Variants in MXRA8 observed in about 807,000 individuals in gnomAD.
MXRA8 encodes the protein matrix remodeling associated 8, also known as matrix remodeling-associated protein 8.
In MXRA8, 44 loss-of-function variants were observed where a neutral mutation model predicts 51.4. The ratio of observed to expected loss-of-function variants is 0.86; its 90% confidence interval spans 0.67 to 1.10. The LOEUF is 1.10. Among genes scored for constraint, MXRA8 ranks in the 50% least tolerant of loss-of-function variants. The pLI is 0.00. For synonymous variants in MXRA8, 369 were observed against 293.5 expected (o/e 1.26, Z -2.63); for missense variants, 765 against 638.9 (o/e 1.20, Z -2.13).
Position 1,354,402 on chromosome 1 carries a change from T to C in MXRA8, c.1057A>G (p.Ile353Val). ...AGGAGGACAGTGACCAGTAGCAGGATGAAGAGCAGCAGCGTGGCCAGCACG... is the reference window on the plus strand; with the variant it reads ...AGGAGGACAGTGACCAGTAGCAGGACGAAGAGCAGCAGCGTGGCCAGCACG... ...GYVLATLLLF[I>V]LLLVTVLLAA... Residue 353 changes from isoleucine (I) to valine (V), a missense_variant, in exon 6 of 10, where the codon ATC (isoleucine) becomes GTC (valine). Coordinates refer to ENST00000309212, the MANE Select transcript of MXRA8 (RefSeq NM_032348.4). 6.2e-7 allele frequency: 1 copy of C among 1,612,154 alleles called. No individual in the cohort carries two copies. Among genetic ancestry groups the C allele is most frequent in the Non-Finnish European group, 8.5e-7 (1 of 1,179,782 alleles).
At chr1:1,363,464 T>G (rs1162098727), upstream of MXRA8, among the ~76,000 whole-genome samples, 1 of 151,778 alleles carries the variant, frequency 6.6e-6, no homozygotes, top group African/African-American at 2.4e-5. Context: ...GACAGAGTTT[T>G]GTTCTTTTGC....
Position 1,352,880 on chromosome 1 carries a change from T to G in MXRA8, c.*724A>C. 2 of 275,492 alleles carry G rather than the reference T, an allele frequency of 7.3e-6. No homozygotes were observed. Among genetic ancestry groups the G allele is most frequent in the Admixed American group, 5.5e-5 (1 of 18,180 alleles). The allele number at this position is 275,492 out of a possible 1,614,324, so 17.1% of individuals were successfully genotyped here. A position where few individuals can be genotyped will look rare whatever the true frequency, so the allele number is the denominator to read the frequency against. On this transcript the variant is annotated 3_prime_UTR_variant, in exon 10 of 10. Coordinates refer to ENST00000309212, the MANE Select transcript of MXRA8 (RefSeq NM_032348.4). The stretch of plus-strand genomic sequence containing the variant: ...CCAGGCAGAGTCCAAGGGAGGGGTG[T>G]CAGGGTCAGAAGTCACAGGGAGCCC...
At chr1:1,355,391 G>T (rs766361725) in intron 3 of MXRA8, 46 bp from the exon 4 acceptor site, 2 of 1,525,948 alleles carry the variant, frequency 1.3e-6, no homozygotes, top group Non-Finnish European at 1.7e-6. Context: ...CGGTGCCCCC[G>T]ACCCCGCGGC....
At chr1:1,356,262 C>T (rs867398091) in intron 2 of MXRA8, among the ~76,000 whole-genome samples, 1 of 22,408 alleles carries the variant, frequency 4.5e-5, no homozygotes, top group Non-Finnish European at 8.3e-5. Context: ...GCAAGTCAGT[C>T]GGGGAGACAT....
In MXRA8 at chr1:1,358,453, C is replaced by T. The variant is rs749026015; in HGVS notation, c.49+3G>A. ...CACCCGCCTCCCAGGGCCCCACACT[C>T]ACTCTGCAGAAGCACAAGTTTCCAA... On this transcript the variant is annotated splice_donor_region_variant and intron_variant, in intron 1 of 9. Coordinates refer to ENST00000309212, the MANE Select transcript of MXRA8 (RefSeq NM_032348.4). The T allele has an allele frequency of 4.3e-5, 70 of 1,612,554 alleles. No homozygotes were observed. Among genetic ancestry groups the T allele is most frequent in the Middle Eastern group, 1.7e-4 (1 of 6,052 alleles).
intron 4 of MXRA8, 38 bp downstream of exon 4, chr1:1,355,206 G>A (rs1644097958): frequency 6.8e-7 from 1 of 1,476,266 alleles, no homozygotes; most frequent in Non-Finnish European, 8.9e-7. Flanking sequence ...GTCGAGGGTC[G>A]AGGGGCGGGA....
chr1:1,353,554 A>G lies in MXRA8; in HGVS notation c.*50T>C. On this transcript the variant is annotated 3_prime_UTR_variant, in exon 10 of 10. Coordinates refer to ENST00000309212, the MANE Select transcript of MXRA8 (RefSeq NM_032348.4). The stretch of plus-strand genomic sequence containing the variant: ...AGCATCAGGAGATGCCCCGAGGAGC[A>G]CAGACAGGAGAGGTGCAGCTGCTGG... The G allele has an allele frequency of 6.7e-7, 1 of 1,489,328 alleles. No homozygotes were observed. The highest frequency in any genetic ancestry group is 9.1e-7 in the Non-Finnish European group (1 of 1,099,944). The allele number at this position is 1,489,328 out of a possible 1,614,324, so 92.3% of individuals were successfully genotyped here. A position where few individuals can be genotyped will look rare whatever the true frequency, so the allele number is the denominator to read the frequency against.
chr1:1,355,384 TGCCCCCGACCCCGCG>T (rs777878995), intron 3 of MXRA8, 39 bp from the exon 4 acceptor site: 2 of 1,542,318 alleles, frequency 1.3e-6, no homozygotes, highest in Admixed American at 1.9e-5. Flanking sequence ...AGCCTTGCGG[TGCCCCCGACCCCGCG>T]GCCCCGGACC....
At chr1:1,358,786 C>A (rs925711698), upstream of MXRA8, 1 of 1,200,454 alleles carries the variant, frequency 8.3e-7, no homozygotes, top group Non-Finnish European at 1.0e-6. Context: ...CAAGAAGGTC[C>A]GAGGACATGG....
chr1:1,355,729 C>G lies in MXRA8; in HGVS notation c.97G>C (p.Gly33Arg), dbSNP rs1275761637. Residue 33 changes from glycine (G) to arginine (R), a missense_variant, in exon 3 of 10, where the codon GGC (glycine) becomes CGC (arginine). Physicochemically the swap from Gly to Arg is moderately radical, Grantham distance 125 (BLOSUM62 -2). Transcript: ENST00000309212. Reference sequence around the variant, plus strand: ...GCGGACTCGGACACCACGGAGCTGCCAGCAGCGGCGGGTACCGAGGACCCT... The same window carrying G: ...GCGGACTCGGACACCACGGAGCTGCGAGCAGCGGCGGGTACCGAGGACCCT... The part of the protein sequence containing the change: ...HSGSSVPAAA[G>R]SSVVSESAVS... The G allele has an allele frequency of 1.5e-6, 2 of 1,317,714 alleles. No homozygotes were observed. The highest frequency in any genetic ancestry group is 1.9e-6 in the Non-Finnish European group (2 of 1,038,968). 81.6% of individuals were successfully genotyped at this position (1,317,714 alleles called of 1,614,324 possible).
upstream of MXRA8, among the ~76,000 whole-genome samples, chr1:1,363,440 T>TTC (rs1224247792): frequency 4.7e-5 from 3 of 63,676 alleles, no homozygotes; most frequent in African/African-American, 1.0e-4. Context: ...AGTTTTTTCT[T>TTC]TTTTTTTTTT....
chr1:1,356,295 G>A (rs1644129870), intron 2 of MXRA8, among the ~76,000 whole-genome samples: 1 of 144,008 alleles, frequency 6.9e-6, no homozygotes. Flanking sequence ...CCCTAGTGGG[G>A]GATGGGGAGT....
chr1:1,355,782 G>T (rs1644114990), intron 2 of MXRA8, 30 bp from the exon 3 acceptor site: 1 of 1,253,034 alleles, frequency 8.0e-7, no homozygotes, highest in Non-Finnish European at 1.0e-6. Flanking sequence ...GGTGGGGGAA[G>T]GGGTGGGCCC....
Position 1,355,445 on chromosome 1 carries a change from C to A in MXRA8, c.376+5G>T. 6.7e-7 allele frequency: 1 copy of A among 1,493,920 alleles called. No homozygotes were observed. The highest frequency in any genetic ancestry group is 2.8e-5 in the East Asian group (1 of 36,064). The allele number at this position is 1,493,920 out of a possible 1,614,324, so 92.5% of individuals were successfully genotyped here. ...CCCCGCGGCCCCGGTCCCCGGTCCC[C>A]GCACCGCGGATGAGCAGCGAGAAGT... On this transcript the variant is annotated splice_donor_5th_base_variant and intron_variant, in intron 3 of 9. Coordinates refer to ENST00000309212, the MANE Select transcript of MXRA8 (RefSeq NM_032348.4).
upstream of MXRA8, chr1:1,359,191 C>T: frequency 1.0e-6 from 1 of 985,394 alleles, no homozygotes. Flanking sequence ...CACTGGGAGG[C>T]CTGGGGGTGC....
At chr1:1,362,120 T>C (rs1189552147), upstream of MXRA8, among the ~76,000 whole-genome samples, 3 of 152,174 alleles carry the variant, frequency 2.0e-5, no homozygotes, top group Non-Finnish European at 4.4e-5. Context: ...ATGGCCTGCA[T>C]TCGTGTTGGT....
upstream of MXRA8, chr1:1,361,158 ACAC>A: frequency 1.4e-6 from 1 of 694,200 alleles, no homozygotes; most frequent in Non-Finnish European, 2.6e-6. Flanking sequence ...ATACACGGAA[ACAC>A]AAACACACAG....
rs774275049 is a variant in MXRA8 at position 1,358,446 on chromosome 1, C to T, written c.49+10G>A. The T allele has an allele frequency of 1.3e-5, 21 of 1,611,474 alleles. No homozygotes were observed. Among genetic ancestry groups the T allele is most frequent in the Non-Finnish European group, 1.8e-5 (21 of 1,178,702 alleles). On this transcript the variant is annotated intron_variant, in intron 1 of 9. Coordinates refer to ENST00000309212, the MANE Select transcript of MXRA8 (RefSeq NM_032348.4). ...CACCCCCCACCCGCCTCCCAGGGCC[C>T]CACACTCACTCTGCAGAAGCACAAG...
At chr1:1,360,857 C>G (rs1644212166), upstream of MXRA8, among the ~76,000 whole-genome samples, 1 of 152,058 alleles carries the variant, frequency 6.6e-6, no homozygotes, top group Non-Finnish European at 1.5e-5. Flanking sequence ...TGTGCACAGA[C>G]ACATGCACAC....
Sources: gnomAD v4.1 joint callset for allele counts (sites outside exome capture counted in the v4.1 genomes callset) on GRCh38, gnomAD v4.1.1 for gene constraint, MANE v1.5 for transcripts, NCBI Gene and HGNC (gene_info 2026-07-23, HGNC 2026-07-21) for gene names.